DACH2: variants seen among roughly 807,000 people sequenced by gnomAD.
DACH2 encodes dachshund family transcription factor 2, also known as dachshund homolog 2.
Under a neutral mutation model 35.8 loss-of-function variants are expected in DACH2, and 17 were observed. The observed-to-expected ratio is 0.48, with a 90% CI of 0.33 to 0.71. The LOEUF (loss-of-function observed/expected upper bound fraction) is 0.71, where lower values mean the gene tolerates loss of function less well. DACH2 is among the 30% of genes least tolerant of loss of function. DACH2 has a pLI of 0.02. For missense variants in DACH2, 469 were observed against 472.7 expected (o/e 0.99, Z 0.07); for synonymous variants, 195 against 177.3 (o/e 1.10, Z -0.79).
At chrX:86,547,867 A>G (rs1027751858) in intron 3 of DACH2, among the ~76,000 whole-genome samples, 1 of 112,267 alleles carries the variant, frequency 8.9e-6, no homozygotes, top group African/African-American at 3.2e-5. Flanking sequence ...ACATGTATGC[A>G]GAAAGCTGCT....
At chrX:86,265,115 A>G (rs1359900038) in intron 1 of DACH2, among the ~76,000 whole-genome samples, 1 of 111,636 alleles carries the variant, frequency 9.0e-6, no homozygotes, top group African/African-American at 3.3e-5. Context: ...ATCAGTGCAT[A>G]CTATGAAGAG....
At chrX:86,251,728 A>G (rs992901968) in intron 1 of DACH2, among the ~76,000 whole-genome samples, 1 of 111,665 alleles carries the variant, frequency 9.0e-6, no homozygotes, top group African/African-American at 3.3e-5. Context: ...CATTGTCTTT[A>G]TCCACTCGTT....
At chrX:86,395,266 T>C (rs906304929) in intron 2 of DACH2, among the ~76,000 whole-genome samples, 4 of 111,951 alleles carry the variant, frequency 3.6e-5, no homozygotes, top group African/African-American at 6.5e-5. Flanking sequence ...GTAGATCCTT[T>C]CCAAGTGTTC....
intron 11 of DACH2, among the ~76,000 whole-genome samples, chrX:86,817,575 A>G (rs2042466169): frequency 9.0e-6 from 1 of 111,378 alleles, no homozygotes; most frequent in Non-Finnish European, 1.9e-5. Flanking sequence ...CGAATACACC[A>G]CTAGTGAGTT....
chrX:86,234,475 T>C (rs2033015127), intron 1 of DACH2, among the ~76,000 whole-genome samples: 1 of 111,610 alleles, frequency 9.0e-6, no homozygotes, highest in South Asian at 3.7e-4. Flanking sequence ...AGGACAGTTA[T>C]AGATTTTCAG....
chrX:86,395,907 A>G (rs756994171), intron 2 of DACH2, among the ~76,000 whole-genome samples: 1 of 111,607 alleles, frequency 9.0e-6, no homozygotes, highest in Admixed American at 9.5e-5. Flanking sequence ...ATACCCAGTA[A>G]TGGGATGGCT....
chrX:86,509,420 C>T (rs975346887), intron 2 of DACH2, among the ~76,000 whole-genome samples: 1 of 111,340 alleles, frequency 9.0e-6, no homozygotes, highest in Non-Finnish European at 1.9e-5. Context: ...ATGTTAATTG[C>T]CCATTTTGCA....
At chrX:86,688,285 TG>T (rs764258571) in intron 4 of DACH2, among the ~76,000 whole-genome samples, 1 of 111,822 alleles carries the variant, frequency 8.9e-6, no homozygotes, top group Non-Finnish European at 1.9e-5. Flanking sequence ...TCTTTATTTT[TG>T]TTTTTCATGT....
intron 1 of DACH2, among the ~76,000 whole-genome samples, chrX:86,170,641 G>A (rs1412784116): frequency 1.8e-5 from 2 of 112,495 alleles, no homozygotes; most frequent in Non-Finnish European, 3.8e-5. Flanking sequence ...TAGGCCACAA[G>A]GAGGACTGCC....
chrX:86,359,475 T>A (rs1264563985), intron 1 of DACH2, among the ~76,000 whole-genome samples: 3 of 111,280 alleles, frequency 2.7e-5, no homozygotes, highest in Non-Finnish European at 5.7e-5. Flanking sequence ...AGGCCAGGTG[T>A]GGTGGCTCAA....
chrX:86,211,701 C>A (rs1470121840), intron 1 of DACH2, among the ~76,000 whole-genome samples: 1 of 111,672 alleles, frequency 9.0e-6, no homozygotes. Context: ...CACCCTTTAC[C>A]TTGGCAAAAT....
chrX:86,240,327 G>T (rs1372255296), intron 1 of DACH2, among the ~76,000 whole-genome samples: 1 of 110,686 alleles, frequency 9.0e-6, no homozygotes, highest in Non-Finnish European at 1.9e-5. Context: ...CCTAAGAAAC[G>T]TTTTGGAATG....
chrX:86,190,313 G>A (rs763193293), intron 1 of DACH2, among the ~76,000 whole-genome samples: 8 of 111,067 alleles, frequency 7.2e-5, no homozygotes, highest in East Asian at 2.8e-4. Flanking sequence ...TGTTCTTTTC[G>A]TGGTTACAGA....
chrX:86,428,657 AT>A (rs1232028839), intron 2 of DACH2, among the ~76,000 whole-genome samples: 1 of 111,406 alleles, frequency 9.0e-6, no homozygotes, highest in African/African-American at 3.3e-5. Flanking sequence ...TTACTTAGAA[AT>A]TTTTTTAAAT....
intron 1 of DACH2, among the ~76,000 whole-genome samples, chrX:86,326,428 C>G (rs937039281): frequency 9.2e-6 from 1 of 109,049 alleles, no homozygotes; most frequent in African/African-American, 3.4e-5. Context: ...GACTGTGCCA[C>G]TGCACTCCAG....
chrX:86,334,609 G>GT (rs2035270641), intron 1 of DACH2, among the ~76,000 whole-genome samples: 3 of 111,937 alleles, frequency 2.7e-5, no homozygotes, highest in African/African-American at 3.2e-5. Flanking sequence ...GGGGTTGTTT[G>GT]TTTTTTTCTG....
intron 6 of DACH2, among the ~76,000 whole-genome samples, chrX:86,726,464 C>T (rs1222989515): frequency 9.0e-6 from 1 of 110,938 alleles, no homozygotes; most frequent in Non-Finnish European, 1.9e-5. Flanking sequence ...CTTGCAGCAG[C>T]CTCAAGCAGG....
intron 3 of DACH2, among the ~76,000 whole-genome samples, chrX:86,546,357 C>CCCTTCTTCTTCT: frequency 2.0e-5 from 1 of 50,068 alleles, no homozygotes; most frequent in Admixed American, 2.5e-4. Flanking sequence ...CTTCTTCTTC[C>CCCTTCTTCTTCT]TCTTCTTCTT....
chrX:86,759,634 A>T (rs1168768437), intron 7 of DACH2, among the ~76,000 whole-genome samples: 1 of 110,018 alleles, frequency 9.1e-6, no homozygotes, highest in African/African-American at 3.3e-5. Context: ...TTTACATTCA[A>T]GGTTATTATT....
Sources: allele counts gnomAD v4.1 joint callset (sites outside exome capture counted in the v4.1 genomes callset), GRCh38; gene constraint gnomAD v4.1.1; transcripts MANE v1.5; gene names NCBI Gene and HGNC (gene_info 2026-07-23, HGNC 2026-07-21).